The following JMJD1C variants were observed in gnomAD, a reference collection of about 807,000 sequenced individuals.
JMJD1C encodes jumonji domain containing 1C.
Under a neutral mutation model 245.3 loss-of-function variants are expected in JMJD1C, and 31 were observed. The ratio of observed to expected loss-of-function variants is 0.13; its 90% CI spans 0.09 to 0.17. The LOEUF (loss-of-function observed/expected upper bound fraction) is 0.17. Ranked by LOEUF, JMJD1C falls within the 10% of genes least tolerant of loss-of-function variation. JMJD1C has a pLI of 1.00. For synonymous variants in JMJD1C, 1,057 were observed against 1,017.4 expected (o/e 1.04, Z -0.74); for missense variants, 2,691 against 3,000.2 (o/e 0.90, Z 2.41).
intron 5 of JMJD1C, among the ~76,000 whole-genome samples, chr10:63,216,331 C>T (rs1042860814): frequency 1.3e-5 from 2 of 151,986 alleles, no homozygotes; most frequent in African/African-American, 4.8e-5. Context: ...ATTTTTTCTA[C>T]ATAAACAACA....
intron 1 of JMJD1C, among the ~76,000 whole-genome samples, chr10:63,515,374 G>C (rs1052900442): frequency 2.0e-5 from 3 of 152,164 alleles, no homozygotes; most frequent in African/African-American, 7.2e-5. Flanking sequence ...GACAGCGTAA[G>C]AGGATTTTTC....
chr10:63,418,260 C>T (rs1400070802), intron 1 of JMJD1C, among the ~76,000 whole-genome samples: 1 of 152,126 alleles, frequency 6.6e-6, no homozygotes, highest in Admixed American at 6.5e-5. Context: ...AATGCCAATG[C>T]TACCTGGTCT....
chr10:63,301,735 G>A, intron 2 of JMJD1C: 1 of 450,618 alleles, frequency 2.2e-6, no homozygotes, highest in Non-Finnish European at 4.4e-6. Flanking sequence ...TGATGACGCA[G>A]CAAACCACCA....
At chr10:63,280,196 C>T (rs1026978731) in intron 2 of JMJD1C, among the ~76,000 whole-genome samples, 3 of 151,936 alleles carry the variant, frequency 2.0e-5, no homozygotes, top group Non-Finnish European at 4.4e-5. Flanking sequence ...TGAAGGAATG[C>T]TAAATGTTTT....
chr10:63,401,434 G>A (rs902896902), intron 1 of JMJD1C, among the ~76,000 whole-genome samples: 1 of 151,812 alleles, frequency 6.6e-6, no homozygotes, highest in Non-Finnish European at 1.5e-5. Context: ...TGCTTGTAGA[G>A]CAGGATCTCA....
intron 1 of JMJD1C, among the ~76,000 whole-genome samples, chr10:63,436,908 T>A (rs1052653022): frequency 6.6e-6 from 1 of 152,172 alleles, no homozygotes; most frequent in Non-Finnish European, 1.5e-5. Context: ...CACTACCTCC[T>A]ATTTTTCTTT....
intron 1 of JMJD1C, among the ~76,000 whole-genome samples, chr10:63,489,883 AG>A (rs1404187846): frequency 6.6e-6 from 1 of 152,166 alleles, no homozygotes; most frequent in Non-Finnish European, 1.5e-5. Context: ...ATGGCTTGTT[AG>A]GAACTGGGCT....
chr10:63,337,696 G>C (rs1019486939), intron 2 of JMJD1C, among the ~76,000 whole-genome samples: 1 of 151,776 alleles, frequency 6.6e-6, no homozygotes, highest in African/African-American at 2.4e-5. Context: ...TGTTCCTTGG[G>C]GAAGCCTCAT....
chr10:63,336,832 A>G (rs2134197760), intron 2 of JMJD1C, among the ~76,000 whole-genome samples: 1 of 152,066 alleles, frequency 6.6e-6, no homozygotes, highest in Non-Finnish European at 1.5e-5. Flanking sequence ...ACTGCATTCA[A>G]CTCTAGCCCT....
intron 1 of JMJD1C, among the ~76,000 whole-genome samples, chr10:63,413,831 C>T (rs1335885532): frequency 3.9e-5 from 6 of 151,910 alleles, no homozygotes; most frequent in African/African-American, 1.5e-4. Flanking sequence ...AAATTGCTAA[C>T]ACTGAAAAAT....
At chr10:63,250,689 G>T (rs1400692937) in intron 3 of JMJD1C, among the ~76,000 whole-genome samples, 2 of 152,194 alleles carry the variant, frequency 1.3e-5, no homozygotes, top group Admixed American at 6.5e-5. Context: ...TGCGATGAGA[G>T]AAACAGTTAG....
chr10:63,305,629 C>CGTGGGTGTGTGTGTGT (rs1554880824), intron 2 of JMJD1C, among the ~76,000 whole-genome samples: 1 of 121,682 alleles, frequency 8.2e-6, no homozygotes, highest in Non-Finnish European at 1.7e-5. Flanking sequence ...ACCATGCTGG[C>CGTGGGTGTGTGTGTGT]GTGTGTGTGT....
intron 22 of JMJD1C, among the ~76,000 whole-genome samples, chr10:63,181,129 G>A (rs1328595984): frequency 2.0e-5 from 3 of 152,108 alleles, no homozygotes; most frequent in Non-Finnish European, 2.9e-5. Context: ...GCCTCCCAAA[G>A]TGTTGGGATT....
intron 16 of JMJD1C, among the ~76,000 whole-genome samples, chr10:63,192,218 C>A (rs1017656035): frequency 9.1e-6 from 1 of 109,406 alleles, no homozygotes; most frequent in Non-Finnish European, 1.8e-5. Flanking sequence ...AGTTCAAGAA[C>A]AATCTGGGCA....
At chr10:63,384,910 T>C (rs1947471162) in intron 1 of JMJD1C, among the ~76,000 whole-genome samples, 1 of 152,188 alleles carries the variant, frequency 6.6e-6, no homozygotes, top group Non-Finnish European at 1.5e-5. Context: ...AACTGTGTGG[T>C]GCTACAGGCC....
At chr10:63,350,377 A>T (rs940163447) in intron 2 of JMJD1C, among the ~76,000 whole-genome samples, 12 of 152,214 alleles carry the variant, frequency 7.9e-5, no homozygotes, top group African/African-American at 2.9e-4. Flanking sequence ...TTAAATACCA[A>T]CTACTGTTCG....
At chr10:63,249,733 G>C (rs546130673) in intron 3 of JMJD1C, among the ~76,000 whole-genome samples, 4 of 151,916 alleles carry the variant, frequency 2.6e-5, no homozygotes, top group Non-Finnish European at 5.9e-5. Flanking sequence ...GGTGGCGTGC[G>C]CCTGTAGTCC....
chr10:63,400,637 A>C (rs893715989), intron 1 of JMJD1C, among the ~76,000 whole-genome samples: 9 of 151,582 alleles, frequency 5.9e-5, no homozygotes, highest in Admixed American at 4.6e-4. Flanking sequence ...ACCTTGGCTC[A>C]CTGCAACCTC....
intron 2 of JMJD1C, among the ~76,000 whole-genome samples, chr10:63,277,636 T>C (rs1216992768): frequency 1.3e-5 from 2 of 151,876 alleles, no homozygotes; most frequent in Non-Finnish European, 1.5e-5. Flanking sequence ...TGGGGTATCT[T>C]GAGCCAACAA....
Sources: gnomAD v4.1 joint callset for allele counts (sites outside exome capture counted in the v4.1 genomes callset) on GRCh38, gnomAD v4.1.1 for gene constraint, MANE v1.5 for transcripts, NCBI Gene and HGNC (gene_info 2026-07-23, HGNC 2026-07-21) for gene names.